Variants in RGMA observed in about 807,000 individuals in gnomAD.
RGMA encodes the protein repulsive guidance molecule A.
Under a neutral mutation model 23.2 loss-of-function variants are expected in RGMA, and 10 were observed. That is an observed-to-expected ratio of 0.43 (90% CI 0.27 to 0.73). The LOEUF (loss-of-function observed/expected upper bound fraction) is 0.73. Among genes scored for constraint, RGMA ranks in the 30% least tolerant of loss-of-function variants. RGMA has a pLI of 0.20. For synonymous variants in RGMA, 308 were observed against 279.3 expected, an observed-to-expected ratio of 1.10 and a Z score of -1.03; for missense variants, 547 against 630.5, an observed-to-expected ratio of 0.87 and a Z score of 1.42.
intron 2 of RGMA, among the ~76,000 whole-genome samples, chr15:93,072,472 G>C (rs780893469): frequency 6.6e-6 from 1 of 152,146 alleles, no homozygotes; most frequent in Non-Finnish European, 1.5e-5. Context: ...TCGGGAACTC[G>C]GCTGGGACCT....
intron 1 of RGMA, among the ~76,000 whole-genome samples, chr15:93,082,347 A>T (rs1895571877): frequency 6.6e-6 from 1 of 152,188 alleles, no homozygotes; most frequent in African/African-American, 2.4e-5. Context: ...CCTGATGGGC[A>T]CCTACTAGAA....
chr15:93,086,557 G>GA (rs1895637736), intron 1 of RGMA, among the ~76,000 whole-genome samples: 1 of 152,136 alleles, frequency 6.6e-6, no homozygotes, highest in Admixed American at 6.5e-5. Flanking sequence ...ACAGAACACT[G>GA]GCCATATCCC....
chr15:93,085,308 G>A (rs1026814583), intron 1 of RGMA, among the ~76,000 whole-genome samples: 10 of 152,138 alleles, frequency 6.6e-5, no homozygotes, highest in South Asian at 2.1e-4. Flanking sequence ...GTTTTGGGGC[G>A]TTTTTACTCA....
intron 1 of RGMA, among the ~76,000 whole-genome samples, chr15:93,081,981 G>T (rs1895565981): frequency 6.6e-6 from 1 of 152,194 alleles, no homozygotes; most frequent in Non-Finnish European, 1.5e-5. Context: ...GCTGGGCTAA[G>T]AACATGCAGT....
chr15:93,081,554 A>G (rs1214029071), intron 1 of RGMA, among the ~76,000 whole-genome samples: 1 of 152,210 alleles, frequency 6.6e-6, no homozygotes, highest in Non-Finnish European at 1.5e-5. Context: ...CAGACCACAC[A>G]GCGCTTATGT....
chr15:93,064,980 ATT>A (rs200573689), intron 2 of RGMA, among the ~76,000 whole-genome samples: 9 of 144,032 alleles, frequency 6.2e-5, no homozygotes, highest in African/African-American at 7.6e-5. Context: ...CCACATGGTA[ATT>A]TTTTTTTTTT....
At chr15:93,061,478 C>A (rs2141825515) in intron 2 of RGMA, among the ~76,000 whole-genome samples, 1 of 152,322 alleles carries the variant, frequency 6.6e-6, no homozygotes, top group Middle Eastern at 3.4e-3. Context: ...CTGTTTTAAA[C>A]CTCCCACCCA....
chr15:93,083,674 CTA>C (rs1895594113), intron 1 of RGMA, among the ~76,000 whole-genome samples: 1 of 152,210 alleles, frequency 6.6e-6, no homozygotes, highest in Non-Finnish European at 1.5e-5. Context: ...GAATGTCAGA[CTA>C]TTTTAGTTGC....
chr15:93,051,935 C>T, intron 3 of RGMA, 58 bp downstream of exon 3: 1 of 1,497,164 alleles, frequency 6.7e-7, no homozygotes, highest in Non-Finnish European at 9.0e-7. Flanking sequence ...TCTCAGTGTC[C>T]ACGCAGGGCA....
intron 1 of RGMA, chr15:93,073,956 G>A: frequency 1.4e-5 from 20 of 1,425,274 alleles, no homozygotes; most frequent in Non-Finnish European, 1.8e-5. Flanking sequence ...TGCGAGGCCC[G>A]CAAGGCTGCA....
chr15:93,066,396 G>A, intron 2 of RGMA: 1 of 681,130 alleles, frequency 1.5e-6, no homozygotes, highest in Non-Finnish European at 2.7e-6. Flanking sequence ...CCAGGTGGGG[G>A]AAACGGGGGG....
intron 2 of RGMA, chr15:93,066,627 A>ACCGCCG: frequency 2.3e-6 from 1 of 443,520 alleles, no homozygotes; most frequent in Admixed American, 2.6e-5. Flanking sequence ...TGCCGTCACC[A>ACCGCCG]CCGCCGCCGC....
At chr15:93,086,678 C>CTG (rs1491166369) in intron 1 of RGMA, among the ~76,000 whole-genome samples, 1 of 152,160 alleles carries the variant, frequency 6.6e-6, no homozygotes, top group African/African-American at 2.4e-5. Context: ...GAAAAACTCC[C>CTG]TGTCCCAGTG....
intron 3 of RGMA, among the ~76,000 whole-genome samples, chr15:93,046,271 G>C (rs939537134): frequency 6.6e-6 from 1 of 152,178 alleles, no homozygotes; most frequent in African/African-American, 2.4e-5. Flanking sequence ...AAGGTGATGT[G>C]CTCAACAAGG....
intron 3 of RGMA, 49 bp downstream of exon 3, chr15:93,051,944 C>A: frequency 6.6e-7 from 1 of 1,526,464 alleles, no homozygotes; most frequent in Non-Finnish European, 8.8e-7. Context: ...CCACGCAGGG[C>A]AGAGACAAAG....
intron 2 of RGMA, among the ~76,000 whole-genome samples, chr15:93,056,254 T>G (rs1340219931): frequency 6.6e-6 from 1 of 152,162 alleles, no homozygotes; most frequent in Non-Finnish European, 1.5e-5. Flanking sequence ...AAGGCGACAT[T>G]TCCCCAGGAT....
At chr15:93,046,698 G>A (rs1259436291) in intron 3 of RGMA, among the ~76,000 whole-genome samples, 1 of 152,186 alleles carries the variant, frequency 6.6e-6, no homozygotes, top group Non-Finnish European at 1.5e-5. Context: ...CTGTCCCAAG[G>A]CTGCTGAAAG....
rs1205085427 is a variant in RGMA, at chr15:93,043,585, T to C, written c.*1413A>G. Reference sequence around the variant, plus strand: ...CAAAATAAAGTGCTTCACTTTTTACTTCCAACATAGGGACCAACTAAAACC... The same window carrying C: ...CAAAATAAAGTGCTTCACTTTTTACCTCCAACATAGGGACCAACTAAAACC... On this transcript the variant is annotated 3_prime_UTR_variant, in exon 4 of 4. Transcript: ENST00000329082. 2 of 152,400 alleles carry C rather than the reference T, an allele frequency of 1.3e-5. No homozygotes were observed. The highest frequency in any genetic ancestry group is 2.9e-5 in the Non-Finnish European group (2 of 68,028). The allele number at this position is 152,400 out of a possible 1,614,324, so 9.4% of individuals were successfully genotyped here.
At chr15:93,075,036 C>T (rs1477952830) in intron 1 of RGMA, among the ~76,000 whole-genome samples, 2 of 151,950 alleles carry the variant, frequency 1.3e-5, no homozygotes, top group Non-Finnish European at 2.9e-5. Context: ...CCGCAGAAGC[C>T]CAGAAATCAC....
Sources: allele counts gnomAD v4.1 joint callset (sites outside exome capture counted in the v4.1 genomes callset), GRCh38; gene constraint gnomAD v4.1.1; transcripts MANE v1.5; gene names NCBI Gene and HGNC (gene_info 2026-07-23, HGNC 2026-07-21).